CHRM3: variants seen among roughly 807,000 people sequenced by gnomAD.
CHRM3 encodes the protein cholinergic receptor muscarinic 3.
CHRM3 carries 11 observed loss-of-function variants against 41.8 expected under a neutral mutation model. The observed-to-expected ratio is 0.26, with a 90% confidence interval of 0.17 to 0.44. The LOEUF (loss-of-function observed/expected upper bound fraction) is 0.44, where lower values mean the gene tolerates loss of function less well. Ranked by LOEUF, CHRM3 falls within the 20% of genes least tolerant of loss-of-function variation. The pLI, the probability that CHRM3 is intolerant of heterozygous loss-of-function variation, is 1.00. For missense variants in CHRM3, 571 were observed against 745.4 expected, an observed-to-expected ratio of 0.77 and a Z score of 2.72; for synonymous variants, 297 against 301.4, an observed-to-expected ratio of 0.99 and a Z score of 0.15.
At chr1:239,830,003 C>T (rs1249911762) in intron 6 of CHRM3, among the ~76,000 whole-genome samples, 2 of 152,134 alleles carry the variant, frequency 1.3e-5, no homozygotes, top group Non-Finnish European at 2.9e-5. Flanking sequence ...GAAATCTCTG[C>T]GATTATTTCA....
chr1:239,864,360 A>G (rs1572525066), intron 6 of CHRM3, among the ~76,000 whole-genome samples: 2 of 152,206 alleles, frequency 1.3e-5, no homozygotes, highest in East Asian at 3.9e-4. Flanking sequence ...TACAAAAATT[A>G]GCCAGGCGTG....
At chr1:239,611,468 T>A (rs978311436) in intron 3 of CHRM3, among the ~76,000 whole-genome samples, 2 of 136,680 alleles carry the variant, frequency 1.5e-5, no homozygotes, top group Non-Finnish European at 3.1e-5. Context: ...GTTGCTAGGC[T>A]AGAGTGCTGT....
intron 6 of CHRM3, among the ~76,000 whole-genome samples, chr1:239,864,997 C>T (rs753861078): frequency 5.3e-5 from 8 of 152,154 alleles, no homozygotes; most frequent in Non-Finnish European, 1.2e-4. Context: ...CTCCCTCCAT[C>T]GAGTTATGAG....
chr1:239,618,701 G>A (rs969113916), intron 3 of CHRM3, among the ~76,000 whole-genome samples: 10 of 150,722 alleles, frequency 6.6e-5, no homozygotes, highest in Admixed American at 4.0e-4. Flanking sequence ...AAAATTAGCT[G>A]GGCGTGGTGG....
intron 1 of CHRM3, among the ~76,000 whole-genome samples, chr1:239,398,354 G>T (rs1482163627): frequency 6.6e-6 from 1 of 152,142 alleles, no homozygotes; most frequent in Admixed American, 6.6e-5. Context: ...TCCTGCCTCA[G>T]CCTCCCAAGT....
rs546700087 is a variant in CHRM3 at position 239,671,705 on chromosome 1, A to T, written c.-249-6481A>T. Reference sequence around the variant, plus strand: ...TTTTTGAGGAGGTGAGGTGGGGTGTAGGTTACATTTCATCCTGTTACTCTG... The same window carrying T: ...TTTTTGAGGAGGTGAGGTGGGGTGTTGGTTACATTTCATCCTGTTACTCTG... On this transcript the variant is annotated intron_variant, in intron 4 of 6. Transcript: ENST00000676153. Among the ~76,000 whole-genome samples the T allele has an allele frequency of 1.7e-4, 26 of 151,780 alleles. No individual in the cohort carries two copies. The South Asian group carries it at 5.4e-3, about 32-fold the overall frequency.
intron 1 of CHRM3, among the ~76,000 whole-genome samples, chr1:239,471,999 A>T (rs1464017641): frequency 6.6e-6 from 1 of 152,052 alleles, no homozygotes; most frequent in Admixed American, 6.6e-5. Context: ...GCTTGCCTGT[A>T]TGAAGGAGAC....
At chr1:239,529,848 T>G (rs1317201643) in intron 2 of CHRM3, among the ~76,000 whole-genome samples, 2 of 152,130 alleles carry the variant, frequency 1.3e-5, no homozygotes, top group East Asian at 3.9e-4. Context: ...ACAAGTTTAC[T>G]AGACAAACTT....
At chr1:239,843,486 A>T (rs1674007191) in intron 6 of CHRM3, among the ~76,000 whole-genome samples, 1 of 91,412 alleles carries the variant, frequency 1.1e-5, no homozygotes. Context: ...TCCTCTTAGG[A>T]CTTATCATTT....
At position 239,656,264 on chromosome 1, in the gene CHRM3, C is replaced by T. The variant is rs547937669; in HGVS notation, c.-249-21922C>T. 5.9e-5 allele frequency among the ~76,000 whole-genome samples: 9 copies of T among 152,036 alleles called. No homozygotes were observed. The South Asian group carries it at 1.9e-3, about 32-fold the overall frequency. On this transcript the variant is annotated intron_variant, in intron 4 of 6. Transcript: ENST00000676153. ...CTAAACCTCGACATCACACAAGATACTCGTGTAATAAACTTGTACGTGTAC... is the reference window on the plus strand; with the variant it reads ...CTAAACCTCGACATCACACAAGATATTCGTGTAATAAACTTGTACGTGTAC...
At chr1:239,683,121 C>T (rs1658732987) in intron 5 of CHRM3, among the ~76,000 whole-genome samples, 1 of 152,052 alleles carries the variant, frequency 6.6e-6, no homozygotes, top group Non-Finnish European at 1.5e-5. Context: ...CGTTGACCAA[C>T]GTATTGACTT....
chr1:239,845,553 C>T (rs1674193971), intron 6 of CHRM3, among the ~76,000 whole-genome samples: 1 of 152,212 alleles, frequency 6.6e-6, no homozygotes, highest in Admixed American at 6.5e-5. Flanking sequence ...TGGCGTGTCA[C>T]CCGCCCAGCT....
chr1:239,852,265 C>G (rs543355405), intron 6 of CHRM3, among the ~76,000 whole-genome samples: 22 of 152,158 alleles, frequency 1.4e-4, no homozygotes, highest in Non-Finnish European at 2.8e-4. Context: ...GAAAAAGAAA[C>G]AGTCTGACAA....
intron 6 of CHRM3, among the ~76,000 whole-genome samples, chr1:239,905,037 T>G (rs1679862980): frequency 6.6e-6 from 1 of 152,222 alleles, no homozygotes; most frequent in Non-Finnish European, 1.5e-5. Flanking sequence ...CAATTTATAC[T>G]GCAACCCCAA....
At chr1:239,874,731 T>A (rs1040687527) in intron 6 of CHRM3, among the ~76,000 whole-genome samples, 26 of 151,656 alleles carry the variant, frequency 1.7e-4, no homozygotes, top group Admixed American at 9.2e-4. Context: ...GGAGACTTGC[T>A]CTTGTTGCCC....
intron 2 of CHRM3, 75 bp downstream of exon 2, chr1:239,492,882 A>G (rs1051256629): frequency 2.0e-5 from 3 of 152,202 alleles, no homozygotes; most frequent in East Asian, 3.9e-4. Context: ...CAAGGCTTTC[A>G]TAGGCTGATT....
intron 4 of CHRM3, among the ~76,000 whole-genome samples, chr1:239,633,821 A>T (rs1670144790): frequency 1.3e-5 from 2 of 151,682 alleles, no homozygotes; most frequent in Admixed American, 6.6e-5. Flanking sequence ...CCATCATCAG[A>T]TTTCTTGTTG....
At chr1:239,684,150 AT>A (rs371507027) in intron 5 of CHRM3, among the ~76,000 whole-genome samples, 23 of 152,298 alleles carry the variant, frequency 1.5e-4, no homozygotes, top group African/African-American at 5.5e-4. Flanking sequence ...CAGTGGTAGA[AT>A]TCATGCCTGC....
chr1:239,573,590 C>G (rs943702475), intron 3 of CHRM3, among the ~76,000 whole-genome samples: 1 of 152,020 alleles, frequency 6.6e-6, no homozygotes, highest in Non-Finnish European at 1.5e-5. Context: ...TGCATAGTCT[C>G]ATAGAACTAT....
Sources: gnomAD v4.1 joint callset for allele counts (sites outside exome capture counted in the v4.1 genomes callset) on GRCh38, gnomAD v4.1.1 for gene constraint, MANE v1.5 for transcripts, NCBI Gene and HGNC (gene_info 2026-07-23, HGNC 2026-07-21) for gene names.